The following CTNND2 variants were observed in gnomAD, a reference collection of about 807,000 sequenced individuals.
CTNND2 encodes catenin delta-2.
Under a neutral mutation model 144.4 loss-of-function variants are expected in CTNND2, and 22 were observed. The observed-to-expected ratio is 0.15, with a 90% CI of 0.11 to 0.22. The LOEUF is 0.22. Ranked by LOEUF, CTNND2 falls within the 10% of genes least tolerant of loss-of-function variation. The pLI, the probability that CTNND2 is intolerant of heterozygous loss-of-function variation, is 1.00. For synonymous variants in CTNND2, 751 were observed against 695.6 expected, an observed-to-expected ratio of 1.08 and a Z score of -1.25; for missense variants, 1,353 against 1,618.8, an observed-to-expected ratio of 0.84 and a Z score of 2.82.
At chr5:11,880,408 C>G (rs1330702778) in intron 1 of CTNND2, among the ~76,000 whole-genome samples, 6 of 151,582 alleles carry the variant, frequency 4.0e-5, no homozygotes, top group Non-Finnish European at 7.4e-5. Flanking sequence ...GTTAATAAGT[C>G]AAGAAGAAGG....
At chr5:11,192,132 G>A (rs1270897448) in intron 11 of CTNND2, among the ~76,000 whole-genome samples, 1 of 152,220 alleles carries the variant, frequency 6.6e-6, no homozygotes, top group African/African-American at 2.4e-5. Context: ...TTGCAAGGTG[G>A]CAACAATTCC....
rs553523027 is a variant in CTNND2, at chr5:11,662,841, C to T, written c.174+69295G>A. Among the ~76,000 whole-genome samples, 5 of 152,248 alleles carry T rather than the reference C, an allele frequency of 3.3e-5. No homozygotes were observed. The East Asian group carries it at 7.7e-4, about 24-fold the overall frequency. ...TCCCAAAACCCCGTCCATGGAAAAA[C>T]TGTCTTCCGCAAAACTGGGCCATGG... On this transcript the variant is annotated intron_variant, in intron 2 of 21. Coordinates refer to ENST00000304623, the MANE Select transcript of CTNND2 (RefSeq NM_001332.4).
chr5:11,455,542 T>A (rs1765661421), intron 3 of CTNND2, among the ~76,000 whole-genome samples: 1 of 152,166 alleles, frequency 6.6e-6, no homozygotes, highest in South Asian at 2.1e-4. Context: ...CACCAGAAAT[T>A]TCAGATTAAA....
At chr5:11,346,220 A>G in intron 9 of CTNND2, 152 bp downstream of exon 9, 1 of 617,168 alleles carries the variant, frequency 1.6e-6, no homozygotes, top group East Asian at 3.3e-5. Context: ...CATTGCAAGC[A>G]CACACATTCC....
chr5:11,366,872 T>C (rs1757033150), intron 7 of CTNND2, among the ~76,000 whole-genome samples: 2 of 152,218 alleles, frequency 1.3e-5, no homozygotes, highest in South Asian at 4.1e-4. Context: ...GTAAAAATCC[T>C]CTTATTACAT....
At chr5:11,348,795 C>T (rs893578487) in intron 8 of CTNND2, among the ~76,000 whole-genome samples, 2 of 151,722 alleles carry the variant, frequency 1.3e-5, no homozygotes, top group Non-Finnish European at 2.9e-5. Flanking sequence ...AAGCAGCAGA[C>T]AATAAATTAT....
intron 3 of CTNND2, among the ~76,000 whole-genome samples, chr5:11,482,141 T>C (rs907336939): frequency 2.6e-5 from 4 of 152,074 alleles, no homozygotes; most frequent in African/African-American, 9.7e-5. Flanking sequence ...GTGGACACTA[T>C]GGCACTGACC....
At chr5:11,623,802 GTGTATGTATATATA>G (rs1182073852) in intron 2 of CTNND2, among the ~76,000 whole-genome samples, 7 of 38,548 alleles carry the variant, frequency 1.8e-4, no homozygotes, top group East Asian at 9.6e-4. Context: ...ATATATATGT[GTGTATGTATATATA>G]TATATATATA....
chr5:11,355,208 A>T (rs1474412713), intron 8 of CTNND2, among the ~76,000 whole-genome samples: 2 of 151,978 alleles, frequency 1.3e-5, no homozygotes, highest in East Asian at 1.9e-4. Context: ...AACAACCTAA[A>T]CTCAAAATTG....
At chr5:11,779,068 G>C (rs1035357242) in intron 1 of CTNND2, among the ~76,000 whole-genome samples, 1 of 151,978 alleles carries the variant, frequency 6.6e-6, no homozygotes, top group Admixed American at 6.6e-5. Context: ...GGCCTTTTTT[G>C]GGTGTAAGCC....
chr5:11,424,886 A>T (rs941141127), intron 3 of CTNND2, among the ~76,000 whole-genome samples: 5 of 152,186 alleles, frequency 3.3e-5, no homozygotes, highest in African/African-American at 7.2e-5. Context: ...TTGACTTCTG[A>T]TTATCCCTTT....
intron 1 of CTNND2, among the ~76,000 whole-genome samples, chr5:11,817,981 GTT>G (rs35360011): frequency 2.5e-4 from 8 of 31,880 alleles, no homozygotes. Flanking sequence ...ATTATGAGGT[GTT>G]TTTTTTTTTT....
intron 9 of CTNND2, among the ~76,000 whole-genome samples, chr5:11,304,452 A>T (rs1337347024): frequency 6.6e-6 from 1 of 151,980 alleles, no homozygotes; most frequent in Non-Finnish European, 1.5e-5. Context: ...TTCCTCCCTC[A>T]ATGGTGCTCA....
At chr5:11,290,231 G>C (rs1336860408) in intron 9 of CTNND2, among the ~76,000 whole-genome samples, 1 of 152,150 alleles carries the variant, frequency 6.6e-6, no homozygotes, top group African/African-American at 2.4e-5. Flanking sequence ...AAGTCTCTAA[G>C]TAATTTAAAA....
chr5:11,874,189 T>G (rs1735374947), intron 1 of CTNND2, among the ~76,000 whole-genome samples: 1 of 152,218 alleles, frequency 6.6e-6, no homozygotes, highest in Admixed American at 6.5e-5. Context: ...TCTTATGACC[T>G]CTTTGTGAGA....
At chr5:11,891,914 G>A (rs1240715195) in intron 1 of CTNND2, among the ~76,000 whole-genome samples, 1 of 152,118 alleles carries the variant, frequency 6.6e-6, no homozygotes, top group Non-Finnish European at 1.5e-5. Context: ...ATTAAATTTG[G>A]AAATATTTAT....
intron 1 of CTNND2, among the ~76,000 whole-genome samples, chr5:11,756,680 G>T (rs1788960257): frequency 6.7e-6 from 1 of 149,608 alleles, no homozygotes; most frequent in Non-Finnish European, 1.5e-5. Context: ...ACACTTAACA[G>T]AAATGTGATG....
intron 2 of CTNND2, among the ~76,000 whole-genome samples, chr5:11,667,196 T>C (rs1364838442): frequency 2.0e-5 from 3 of 152,212 alleles, no homozygotes; most frequent in African/African-American, 4.8e-5. Context: ...TTCCAAGTCA[T>C]TGCTATTGTG....
intron 2 of CTNND2, among the ~76,000 whole-genome samples, chr5:11,677,407 T>C (rs1481482618): frequency 6.6e-6 from 1 of 152,200 alleles, no homozygotes; most frequent in Non-Finnish European, 1.5e-5. Flanking sequence ...GCTGCCCAAT[T>C]TATAAACTAC....
Sources: allele counts gnomAD v4.1 joint callset (sites outside exome capture counted in the v4.1 genomes callset), GRCh38; gene constraint gnomAD v4.1.1; transcripts MANE v1.5; gene names NCBI Gene and HGNC (gene_info 2026-07-23, HGNC 2026-07-21).